Variants in HMGCLL1 observed in about 807,000 individuals in gnomAD.
HMGCLL1 encodes 3-hydroxy-3-methylglutaryl-CoA lyase like 1, also known as 3-hydroxymethyl-3-methylglutaryl-CoA lyase, cytoplasmic.
HMGCLL1 carries 36 observed loss-of-function variants against 39.1 expected under a neutral mutation model. The ratio of observed to expected loss-of-function variants is 0.92; its 90% confidence interval spans 0.71 to 1.22. The LOEUF is 1.22. HMGCLL1 is among the 50% of genes most tolerant of loss of function. The pLI, the probability that HMGCLL1 is intolerant of heterozygous loss-of-function variation, is 0.00. For synonymous variants in HMGCLL1, 149 were observed against 144.0 expected (o/e 1.03, Z -0.25); for missense variants, 451 against 416.5 (o/e 1.08, Z -0.72).
the HMGCLL1 span, among the ~76,000 whole-genome samples, chr6:55,597,228 A>G: frequency 6.6e-6 from 1 of 152,136 alleles, no homozygotes; most frequent in East Asian, 1.9e-4. Flanking sequence ...AATAAACTTA[A>G]TAATATTTCA....
At chr6:55,488,497 G>T (rs1766156876) in intron 7 of HMGCLL1, among the ~76,000 whole-genome samples, 1 of 151,936 alleles carries the variant, frequency 6.6e-6, no homozygotes, top group Non-Finnish European at 1.5e-5. Flanking sequence ...CTTTCACATA[G>T]AAGATAACCA....
At chr6:55,483,329 G>A (rs1383497795) in intron 7 of HMGCLL1, among the ~76,000 whole-genome samples, 4 of 152,142 alleles carry the variant, frequency 2.6e-5, no homozygotes, top group African/African-American at 9.7e-5. Context: ...GCAGTGGCAC[G>A]ATTTCTGCTC....
rs566768611 is a variant in HMGCLL1, at chr6:55,469,984, C to T, written c.795+25435G>A. On this transcript the variant is annotated intron_variant, in intron 7 of 8. Transcript: ENST00000274901. Reference sequence around the variant, plus strand: ...GAGAATTTTAAAGTTTTCCAGCTTCCGCAGCTGAGCCAGATGTCAGTGGGT... The same window carrying T: ...GAGAATTTTAAAGTTTTCCAGCTTCTGCAGCTGAGCCAGATGTCAGTGGGT... 1.3e-4 allele frequency among the ~76,000 whole-genome samples: 20 copies of T among 151,904 alleles called. No individual in the cohort carries two copies. The East Asian group carries it at 1.4e-3, about 10-fold the overall frequency.
At chr6:55,643,317 T>C in the HMGCLL1 span, among the ~76,000 whole-genome samples, 3 of 152,104 alleles carry the variant, frequency 2.0e-5, no homozygotes, top group Non-Finnish European at 2.9e-5. Flanking sequence ...TTTTGACTGT[T>C]CAATAATAGC....
At chr6:55,596,225 G>T in the HMGCLL1 span, among the ~76,000 whole-genome samples, 1 of 152,164 alleles carries the variant, frequency 6.6e-6, no homozygotes, top group Non-Finnish European at 1.5e-5. Context: ...TACTCGGGAG[G>T]CTGAGGCAGG....
chr6:55,438,529 T>C (rs1177828455), intron 8 of HMGCLL1, among the ~76,000 whole-genome samples: 1 of 151,982 alleles, frequency 6.6e-6, no homozygotes, highest in Non-Finnish European at 1.5e-5. Flanking sequence ...ACGGCTTATT[T>C]TTAGGATGGT....
At chr6:55,667,039 T>C in the HMGCLL1 span, among the ~76,000 whole-genome samples, 1 of 151,680 alleles carries the variant, frequency 6.6e-6, no homozygotes, top group Non-Finnish European at 1.5e-5. Flanking sequence ...TTCTTAACTT[T>C]GAAGAGCATT....
At chr6:55,499,552 T>C (rs2127426600) in intron 5 of HMGCLL1, among the ~76,000 whole-genome samples, 1 of 152,220 alleles carries the variant, frequency 6.6e-6, no homozygotes, top group Admixed American at 6.6e-5. Context: ...TAAGTGATTA[T>C]CTGGTAAAGT....
At chr6:55,657,926 G>C in the HMGCLL1 span, among the ~76,000 whole-genome samples, 1 of 151,850 alleles carries the variant, frequency 6.6e-6, no homozygotes. Context: ...GGTGGAAGGA[G>C]GGGGGAGGAT....
chr6:55,640,662 T>G, the HMGCLL1 span, among the ~76,000 whole-genome samples: 2 of 151,850 alleles, frequency 1.3e-5, no homozygotes, highest in Non-Finnish European at 2.9e-5. Flanking sequence ...GTATCACCAT[T>G]GTAGGCACAT....
At chr6:55,444,055 A>C (rs915186576) in intron 7 of HMGCLL1, among the ~76,000 whole-genome samples, 1 of 152,144 alleles carries the variant, frequency 6.6e-6, no homozygotes, top group African/African-American at 2.4e-5. Flanking sequence ...TTACATTGAT[A>C]GTATCAGTTT....
At chr6:55,436,866 G>A (rs146811546) in intron 8 of HMGCLL1, among the ~76,000 whole-genome samples, 59 of 152,030 alleles carry the variant, frequency 3.9e-4, no homozygotes, top group African/African-American at 1.3e-3. Context: ...TTATTACAAA[G>A]TTGTTTTCAG....
chr6:55,448,482 T>C (rs1763951812), intron 7 of HMGCLL1, among the ~76,000 whole-genome samples: 1 of 151,876 alleles, frequency 6.6e-6, no homozygotes, highest in Admixed American at 6.6e-5. Context: ...ATAATAAATA[T>C]ATACCACTCA....
At chr6:55,543,461 CATATATATCATATATA>C (rs1263782190) in intron 1 of HMGCLL1, among the ~76,000 whole-genome samples, 2 of 91,094 alleles carry the variant, frequency 2.2e-5, no homozygotes, top group East Asian at 6.0e-4. Flanking sequence ...TGATATATAT[CATATATATCATATATA>C]ATATATATAT....
At chr6:55,552,880 A>G (rs529452644) in intron 1 of HMGCLL1, among the ~76,000 whole-genome samples, 2 of 151,990 alleles carry the variant, frequency 1.3e-5, no homozygotes, top group South Asian at 2.1e-4. Flanking sequence ...GGTGGCTCAC[A>G]CCTGTAATCC....
rs1180273484 is a variant in HMGCLL1, at chr6:55,439,473, C to T, written c.882G>A (p.Glu294=). The part of the protein sequence containing the change: ...AKGASGNVAT[E]DLIYMLNGLG... ...GGCCATTAAGCATATATATCAAATC[C>T]TCAGTGGCTACATTCCCAGAAGCAC... The change falls in exon 8 of 9, where the codon GAG becomes GAA. Residue 294 remains glutamate (E), a synonymous_variant. Coordinates refer to ENST00000274901, the MANE Select transcript of HMGCLL1 (RefSeq NM_001042406.2). 2 of 1,612,774 alleles carry T rather than the reference C, an allele frequency of 1.2e-6. No individual in the cohort carries two copies. The highest frequency in any genetic ancestry group is 1.3e-5 in the African/African-American group (1 of 74,942).
the HMGCLL1 span, among the ~76,000 whole-genome samples, chr6:55,591,020 C>A: frequency 6.6e-6 from 1 of 151,926 alleles, no homozygotes; most frequent in Non-Finnish European, 1.5e-5. Flanking sequence ...CTGTCAAAGC[C>A]TTTGCTCTTT....
chr6:55,614,809 G>A, the HMGCLL1 span, among the ~76,000 whole-genome samples: 4 of 151,904 alleles, frequency 2.6e-5, no homozygotes, highest in Admixed American at 1.3e-4. Context: ...TCTGTCATTC[G>A]GTCTAAGCAA....
At chr6:55,607,574 G>T in the HMGCLL1 span, among the ~76,000 whole-genome samples, 2 of 152,092 alleles carry the variant, frequency 1.3e-5, no homozygotes, top group Non-Finnish European at 2.9e-5. Flanking sequence ...CAGAAAGACT[G>T]GTCCCTGTAA....
Sources: allele counts gnomAD v4.1 joint callset (sites outside exome capture counted in the v4.1 genomes callset), GRCh38; gene constraint gnomAD v4.1.1; transcripts MANE v1.5; gene names NCBI Gene and HGNC (gene_info 2026-07-23, HGNC 2026-07-21).